KCNIP4: variants seen among roughly 807,000 people sequenced by gnomAD.
The protein encoded by KCNIP4 is potassium voltage-gated channel interacting protein 4, also known as Kv channel-interacting protein 4.
In KCNIP4, 12 loss-of-function variants were observed where a neutral mutation model predicts 34.0. That is an observed-to-expected ratio of 0.35 (90% CI 0.23 to 0.57). The LOEUF is 0.57. Among genes scored for constraint, KCNIP4 ranks in the 20% least tolerant of loss-of-function variants. The pLI is 0.83. For synonymous variants in KCNIP4, 124 were observed against 102.2 expected, an observed-to-expected ratio of 1.21 and a Z score of -1.29; for missense variants, 238 against 311.7, an observed-to-expected ratio of 0.76 and a Z score of 1.78.
chr4:21,219,251 T>C (rs1757821300), intron 1 of KCNIP4, among the ~76,000 whole-genome samples: 1 of 152,222 alleles, frequency 6.6e-6, no homozygotes, highest in South Asian at 2.1e-4. Flanking sequence ...TGTTAGAACA[T>C]GTTCTGTCCA....
chr4:21,773,185 T>C (rs1011944594), intron 1 of KCNIP4, among the ~76,000 whole-genome samples: 56 of 152,320 alleles, frequency 3.7e-4, no homozygotes, highest in African/African-American at 1.3e-3. Context: ...CCAGGAGTCA[T>C]TCAAGAGCAG....
intron 1 of KCNIP4, among the ~76,000 whole-genome samples, chr4:21,007,211 G>A (rs1026968732): frequency 6.6e-5 from 10 of 152,272 alleles, no homozygotes; most frequent in East Asian, 1.9e-4. Flanking sequence ...GTCATCCAGC[G>A]TTGAAAGGCA....
At chr4:21,868,507 C>T (rs1455131726) in intron 1 of KCNIP4, among the ~76,000 whole-genome samples, 4 of 152,316 alleles carry the variant, frequency 2.6e-5, no homozygotes, top group African/African-American at 9.6e-5. Context: ...AACTTCTACA[C>T]CTCTTGGTTT....
chr4:20,977,593 C>A (rs922397978), intron 1 of KCNIP4, among the ~76,000 whole-genome samples: 4 of 152,056 alleles, frequency 2.6e-5, no homozygotes, highest in African/African-American at 4.8e-5. Context: ...ATAATTAGAA[C>A]TGGAAAATAA....
At chr4:21,439,128 C>G (rs892123120) in intron 1 of KCNIP4, among the ~76,000 whole-genome samples, 1 of 147,932 alleles carries the variant, frequency 6.8e-6, no homozygotes, top group African/African-American at 2.5e-5. Flanking sequence ...CGCCACTGCA[C>G]TCCAGCATGG....
chr4:20,980,270 G>A (rs1735942198), intron 1 of KCNIP4, among the ~76,000 whole-genome samples: 1 of 152,058 alleles, frequency 6.6e-6, no homozygotes, highest in Non-Finnish European at 1.5e-5. Context: ...ACCCAACAGG[G>A]TACCCTGCAC....
At chr4:21,067,574 G>C (rs955426564) in intron 1 of KCNIP4, among the ~76,000 whole-genome samples, 1 of 152,154 alleles carries the variant, frequency 6.6e-6, no homozygotes, top group African/African-American at 2.4e-5. Context: ...CACACTAAAA[G>C]GAAGGACATA....
intron 1 of KCNIP4, among the ~76,000 whole-genome samples, chr4:21,309,186 G>C (rs890682682): frequency 2.0e-5 from 3 of 152,166 alleles, no homozygotes; most frequent in African/African-American, 7.2e-5. Flanking sequence ...TGTCTCTCTA[G>C]ATTCCAGGCT....
intron 1 of KCNIP4, among the ~76,000 whole-genome samples, chr4:21,735,126 G>C (rs1157393007): frequency 6.6e-6 from 1 of 151,878 alleles, no homozygotes; most frequent in African/African-American, 2.4e-5. Flanking sequence ...TTGTCCAGCA[G>C]GCAAGCAGAT....
chr4:21,365,651 CTATTT>C (rs2109420848), intron 1 of KCNIP4, among the ~76,000 whole-genome samples: 1 of 151,958 alleles, frequency 6.6e-6, no homozygotes, highest in Admixed American at 6.6e-5. Flanking sequence ...GTTTCTTATT[CTATTT>C]TGTTTTCTCA....
intron 1 of KCNIP4, among the ~76,000 whole-genome samples, chr4:21,159,564 A>G (rs1753424415): frequency 2.6e-5 from 1 of 39,110 alleles, no homozygotes; most frequent in Non-Finnish European, 4.7e-5. Context: ...CGCGAGCCGA[A>G]GCAGGGCGAG....
At chr4:21,138,333 A>G (rs1195439048) in intron 1 of KCNIP4, among the ~76,000 whole-genome samples, 1 of 152,098 alleles carries the variant, frequency 6.6e-6, no homozygotes, top group Non-Finnish European at 1.5e-5. Flanking sequence ...TTGTACTTAT[A>G]CCTTGCTTGT....
At chr4:21,606,628 C>G (rs1258286169) in intron 1 of KCNIP4, among the ~76,000 whole-genome samples, 1 of 152,116 alleles carries the variant, frequency 6.6e-6, no homozygotes, top group Non-Finnish European at 1.5e-5. Context: ...GAGTCTTGCT[C>G]TGTTACCCAG....
intron 2 of KCNIP4, among the ~76,000 whole-genome samples, chr4:20,855,655 CA>C (rs1721495316): frequency 6.9e-6 from 1 of 144,082 alleles, no homozygotes; most frequent in South Asian, 2.4e-4. Context: ...TTATTGCCCT[CA>C]AGGAGTTTAC....
intron 1 of KCNIP4, among the ~76,000 whole-genome samples, chr4:21,305,822 C>G (rs988444884): frequency 6.6e-6 from 1 of 152,202 alleles, no homozygotes; most frequent in African/African-American, 2.4e-5. Flanking sequence ...CTGTCAAGCT[C>G]TTAAAACTCT....
intron 1 of KCNIP4, among the ~76,000 whole-genome samples, chr4:21,807,190 G>T (rs1320537546): frequency 6.6e-6 from 1 of 152,170 alleles, no homozygotes; most frequent in Non-Finnish European, 1.5e-5. Flanking sequence ...TGCTCAGGAG[G>T]TAATGCAAGC....
intron 1 of KCNIP4, among the ~76,000 whole-genome samples, chr4:21,833,758 T>C (rs987191663): frequency 1.3e-5 from 2 of 152,146 alleles, no homozygotes; most frequent in African/African-American, 4.8e-5. Flanking sequence ...CATCTTGAAT[T>C]GATTTTTGTA....
chr4:21,427,179 T>C (rs1457494028), intron 1 of KCNIP4, among the ~76,000 whole-genome samples: 1 of 152,152 alleles, frequency 6.6e-6, no homozygotes, highest in East Asian at 1.9e-4. Context: ...TGGGTGTGTC[T>C]GTGAGGAAAT....
chr4:21,589,197 T>C (rs1324919300), intron 1 of KCNIP4, among the ~76,000 whole-genome samples: 8,370 of 36,946 alleles, frequency 0.23, 741 homozygotes, highest in African/African-American at 0.36. Flanking sequence ...TATATATATA[T>C]ATATGTGTAC....
Sources: gnomAD v4.1 joint callset for allele counts (sites outside exome capture counted in the v4.1 genomes callset) on GRCh38, gnomAD v4.1.1 for gene constraint, MANE v1.5 for transcripts, NCBI Gene and HGNC (gene_info 2026-07-23, HGNC 2026-07-21) for gene names.